TAAR1: variants seen among roughly 807,000 people sequenced by gnomAD.
TAAR1 encodes trace amine-associated receptor 1.
TAAR1 carries 1 observed loss-of-function variant against 1.2 expected under a neutral mutation model. The ratio of observed to expected loss-of-function variants is 0.81; its 90% CI spans 0.29 to 3.86. The LOEUF (loss-of-function observed/expected upper bound fraction) is 3.86. Ranked by LOEUF, TAAR1 falls within the 30% of genes most tolerant of loss-of-function variation. The pLI, the probability that TAAR1 is intolerant of heterozygous loss-of-function variation, is 0.18. For synonymous variants in TAAR1, 153 were observed against 132.2 expected (o/e 1.16, Z -1.08); for missense variants, 445 against 405.6 (o/e 1.10, Z -0.83).
intron 1 of TAAR1, among the ~76,000 whole-genome samples, chr6:132,653,582 A>C (rs1223501629): frequency 6.6e-6 from 1 of 152,190 alleles, no homozygotes; most frequent in Non-Finnish European, 1.5e-5. Context: ...TCTATGCCAG[A>C]ATGTGACTTT....
rs998356444 is a variant in TAAR1, at chr6:132,643,723, T to C, written c.*1261A>G. ...GTGATACTCAATCTGAAACAGACCATGTGAAGTTTGTATTCATCAGCTCAA... is the reference window on the plus strand; with the variant it reads ...GTGATACTCAATCTGAAACAGACCACGTGAAGTTTGTATTCATCAGCTCAA... On this transcript the variant is annotated 3_prime_UTR_variant, in exon 2 of 2. Transcript: ENST00000275216. 2.0e-5 allele frequency among the ~76,000 whole-genome samples: 3 copies of C among 152,000 alleles called. No individual in the cohort carries two copies. The highest frequency in any genetic ancestry group is 2.9e-5 in the Non-Finnish European group (2 of 67,924).
chr6:132,650,044 C>G (rs1777733698), intron 1 of TAAR1, among the ~76,000 whole-genome samples: 1 of 152,172 alleles, frequency 6.6e-6, no homozygotes, highest in Non-Finnish European at 1.5e-5. Context: ...TTTTAACAAT[C>G]ATAGACTCGC....
chr6:132,648,399 C>CA (rs60191084), intron 1 of TAAR1, among the ~76,000 whole-genome samples: 3,337 of 152,212 alleles, frequency 0.022, 92 homozygotes, highest in East Asian at 0.12. Flanking sequence ...GGAAATAAAG[C>CA]AAAATACAAA....
At chr6:132,652,403 T>C (rs1321198356) in intron 1 of TAAR1, among the ~76,000 whole-genome samples, 2 of 150,032 alleles carry the variant, frequency 1.3e-5, no homozygotes, top group East Asian at 3.9e-4. Context: ...AACTCCCTGG[T>C]TCAAGCAATT....
chr6:132,656,639 A>G (rs1315244495), intron 1 of TAAR1, among the ~76,000 whole-genome samples: 3 of 152,206 alleles, frequency 2.0e-5, no homozygotes, highest in Non-Finnish European at 2.9e-5. Context: ...AAATTCATGC[A>G]CATATACTTA....
chr6:132,654,567 A>C (rs1285558949), intron 1 of TAAR1, among the ~76,000 whole-genome samples: 1 of 152,244 alleles, frequency 6.6e-6, no homozygotes, highest in Non-Finnish European at 1.5e-5. Context: ...CTGTATACAG[A>C]ACAATAAGAA....
chr6:132,645,889 C>T lies in TAAR1; in HGVS notation c.115G>A (p.Val39Ile), dbSNP rs182617139. Residue 39 changes from valine (V) to isoleucine (I), a missense_variant, in exon 2 of 2, where the codon GTT (valine) becomes ATT (isoleucine). Transcript: ENST00000275216. ...GAAACAATAACTATCAGATTGCCAA[C>T]GAGTGTGGTCAGAATTATGAGCACC... ...LMVLIILTTL[V>I]GNLIVIVSIS... 3.5e-5 allele frequency: 56 copies of T among 1,613,774 alleles called. No individual in the cohort carries two copies. The highest frequency in any genetic ancestry group is 8.3e-5 in the Admixed American group (5 of 59,966).
At chr6:132,657,740 A>G (rs917757580) in intron 1 of TAAR1, among the ~76,000 whole-genome samples, 2 of 152,062 alleles carry the variant, frequency 1.3e-5, no homozygotes, top group Non-Finnish European at 2.9e-5. Context: ...CAAAAAGATT[A>G]ACAACAAAAA....
intron 1 of TAAR1, among the ~76,000 whole-genome samples, chr6:132,656,634 C>T (rs1582754689): frequency 2.0e-5 from 3 of 152,104 alleles, no homozygotes; most frequent in Admixed American, 2.0e-4. Flanking sequence ...AAAAAAAATT[C>T]ATGCACATAT....
At chr6:132,651,589 A>T (rs549153029) in intron 1 of TAAR1, among the ~76,000 whole-genome samples, 15 of 152,282 alleles carry the variant, frequency 9.9e-5, no homozygotes, top group Non-Finnish European at 1.5e-4. Context: ...CTTCATTAAA[A>T]AGTTATCTAG....
rs138059219 is a variant in TAAR1 at position 132,650,471 on chromosome 6, A to T, written c.-126-4342T>A. ...AAATTCGTAACAAAAATGGACCATT[A>T]CAATTGCTCAGGAATCCTACTCCAT... On this transcript the variant is annotated intron_variant, in intron 1 of 1. Coordinates refer to ENST00000275216, the MANE Select transcript of TAAR1 (RefSeq NM_138327.4). Among the ~76,000 whole-genome samples, 673 of 152,360 alleles carry T rather than the reference A, an allele frequency of 4.4e-3. 1 individual carries two copies. Among genetic ancestry groups the T allele is most frequent in the African/African-American group, 0.015 (614 of 41,592 alleles).
At chr6:132,656,740 G>A (rs1777808072) in intron 1 of TAAR1, among the ~76,000 whole-genome samples, 1 of 152,150 alleles carries the variant, frequency 6.6e-6, no homozygotes, top group African/African-American at 2.4e-5. Context: ...AGAAGTTCAG[G>A]CTAGCATAGG....
chr6:132,650,477 G>C (rs1777738018), intron 1 of TAAR1, among the ~76,000 whole-genome samples: 1 of 152,176 alleles, frequency 6.6e-6, no homozygotes, highest in Non-Finnish European at 1.5e-5. Flanking sequence ...CATTACAATT[G>C]CTCAGGAATC....
rs1430647037 is a variant in TAAR1, at chr6:132,644,492, T to C, written c.*492A>G. On this transcript the variant is annotated 3_prime_UTR_variant, in exon 2 of 2. Transcript: ENST00000275216. The stretch of plus-strand genomic sequence containing the variant: ...ATCAAGATATTTAAGGATTGGAATA[T>C]ATATTAACAATACAAATAAATTATG... 6.6e-6 allele frequency among the ~76,000 whole-genome samples: 1 copy of C among 152,008 alleles called. No individual in the cohort carries two copies. Among genetic ancestry groups the C allele is most frequent in the Non-Finnish European group, 1.5e-5 (1 of 67,940 alleles).
chr6:132,648,592 A>C (rs60266355), intron 1 of TAAR1, among the ~76,000 whole-genome samples: 9,469 of 152,264 alleles, frequency 0.062, 338 homozygotes, highest in East Asian at 0.11. Flanking sequence ...GATAGTATGA[A>C]TGCCACATCT....
chr6:132,647,402 C>T (rs1450623965), intron 1 of TAAR1, among the ~76,000 whole-genome samples: 1 of 143,904 alleles, frequency 6.9e-6, no homozygotes, highest in African/African-American at 2.6e-5. Flanking sequence ...ACATATATAA[C>T]ACATACACAG....
At chr6:132,651,387 A>C (rs1315734388) in intron 1 of TAAR1, among the ~76,000 whole-genome samples, 1 of 152,156 alleles carries the variant, frequency 6.6e-6, no homozygotes, top group Non-Finnish European at 1.5e-5. Context: ...TGCTTCCCAC[A>C]GGATATCACC....
chr6:132,647,667 A>C (rs1777699919), intron 1 of TAAR1, among the ~76,000 whole-genome samples: 1 of 150,770 alleles, frequency 6.6e-6, no homozygotes, highest in Non-Finnish European at 1.5e-5. Context: ...AAAGAAAGAA[A>C]GAAAGAAAGA....
intron 1 of TAAR1, among the ~76,000 whole-genome samples, chr6:132,654,127 C>A (rs1376200384): frequency 1.3e-5 from 2 of 152,134 alleles, no homozygotes; most frequent in Admixed American, 6.5e-5. Flanking sequence ...AACCAAGAAA[C>A]CCTTAAGTTT....
Sources: gnomAD v4.1 joint callset for allele counts (sites outside exome capture counted in the v4.1 genomes callset) on GRCh38, gnomAD v4.1.1 for gene constraint, MANE v1.5 for transcripts, NCBI Gene and HGNC (gene_info 2026-07-23, HGNC 2026-07-21) for gene names.